The following DDX60L variants were observed in gnomAD, a reference collection of about 807,000 sequenced individuals.
DDX60L encodes the protein DExD/H-box 60 like.
A neutral mutation model predicts 211.6 loss-of-function variants in DDX60L; 191 were observed. That is an observed-to-expected ratio of 0.90 (90% CI 0.80 to 1.02). DDX60L has a LOEUF of 1.02. Ranked by LOEUF, DDX60L falls within the 50% of genes least tolerant of loss-of-function variation. DDX60L has a pLI of 0.00. For synonymous variants in DDX60L, 706 were observed against 694.1 expected (o/e 1.02, Z -0.27); for missense variants, 2,007 against 1,984.1 (o/e 1.01, Z -0.22).
chr4:168,479,284 A>G (rs1418296849), intron 1 of DDX60L, among the ~76,000 whole-genome samples: 1 of 152,132 alleles, frequency 6.6e-6, no homozygotes, highest in Non-Finnish European at 1.5e-5. Context: ...AGCATAACTC[A>G]CCCTCATTTA....
intron 23 of DDX60L, 95 bp downstream of exon 23, chr4:168,406,507 G>C: frequency 2.4e-6 from 2 of 821,852 alleles, no homozygotes; most frequent in African/African-American, 1.8e-5. Flanking sequence ...ACCAAGTAGA[G>C]AGAATAAGTG....
intron 10 of DDX60L, among the ~76,000 whole-genome samples, chr4:168,434,363 G>C (rs981457207): frequency 2.6e-5 from 4 of 152,196 alleles, no homozygotes; most frequent in African/African-American, 9.7e-5. Context: ...GAAGGTTAGA[G>C]TGACTTATCA....
At chr4:168,392,569 T>A (rs1402445893) in intron 28 of DDX60L, among the ~76,000 whole-genome samples, 4 of 151,652 alleles carry the variant, frequency 2.6e-5, no homozygotes, top group Non-Finnish European at 5.9e-5. Flanking sequence ...TCTGGCCAAG[T>A]GTAGTGGCTC....
chr4:168,385,976 G>A (rs1224021264), intron 29 of DDX60L, among the ~76,000 whole-genome samples: 1 of 151,928 alleles, frequency 6.6e-6, no homozygotes, highest in East Asian at 1.9e-4. Flanking sequence ...GAGTGATAGA[G>A]GGATAGAGGG....
intron 25 of DDX60L, 47 bp from the exon 26 acceptor site, chr4:168,401,025 C>A: frequency 6.4e-7 from 1 of 1,556,556 alleles, no homozygotes; most frequent in Non-Finnish European, 8.7e-7. Context: ...TGTTTCTATC[C>A]ATATTGTAAA....
chr4:168,406,530 G>T, intron 23 of DDX60L, 72 bp downstream of exon 23: 1 of 1,053,546 alleles, frequency 9.5e-7, no homozygotes, highest in Non-Finnish European at 1.4e-6. Context: ...CTTACCTGTA[G>T]AGTAATTTTG....
rs201273359 is a variant in DDX60L, at chr4:168,373,711, C to G, written c.4731G>C (p.Ser1577=). Residue 1577 remains serine, a synonymous_variant, in exon 35 of 38, where the codon TCG becomes TCC. Transcript: ENST00000682922. ...GAAGCAAATCATTATCTGTGTTCCCCGAAAGACAAACAAATGGTGAAATGG... is the reference window on the plus strand; with the variant it reads ...GAAGCAAATCATTATCTGTGTTCCCGGAAAGACAAACAAATGGTGAAATGG... ...RVAISPFVCL[S]GNTDNDLLRP... The G allele has an allele frequency of 6.2e-7, 1 of 1,613,944 alleles. No homozygotes were observed. The highest frequency in any genetic ancestry group is 8.5e-7 in the Non-Finnish European group (1 of 1,179,862).
At chr4:168,378,528 T>C (rs1742363317) in intron 32 of DDX60L, 53 bp from the exon 33 acceptor site, 2 of 1,344,294 alleles carry the variant, frequency 1.5e-6, no homozygotes, top group Non-Finnish European at 2.0e-6. Flanking sequence ...ATTCCATTTA[T>C]TTTCTGCCTA....
intron 7 of DDX60L, among the ~76,000 whole-genome samples, chr4:168,455,505 C>T (rs1179021161): frequency 6.6e-6 from 1 of 152,120 alleles, no homozygotes; most frequent in East Asian, 1.9e-4. Context: ...GCCAACCATC[C>T]TAGTCAAAAT....
chr4:168,388,002 T>A (rs1744185687), intron 29 of DDX60L, among the ~76,000 whole-genome samples: 1 of 152,202 alleles, frequency 6.6e-6, no homozygotes, highest in Non-Finnish European at 1.5e-5. Flanking sequence ...GTTTCCATTA[T>A]ACCACAACTG....
intron 10 of DDX60L, among the ~76,000 whole-genome samples, chr4:168,439,416 C>T (rs1427932057): frequency 6.6e-6 from 1 of 152,090 alleles, no homozygotes; most frequent in Admixed American, 6.5e-5. Context: ...TAGGCTGCAA[C>T]TTCAGCTCAT....
intron 1 of DDX60L, among the ~76,000 whole-genome samples, chr4:168,476,822 T>C (rs945403870): frequency 1.3e-5 from 2 of 152,216 alleles, no homozygotes; most frequent in Non-Finnish European, 2.9e-5. Context: ...AAATTAGTCT[T>C]ACCAATGGAA....
At chr4:168,361,392 A>T (rs1255062813) in intron 36 of DDX60L, 181 bp from the exon 37 acceptor site, 1 of 488,732 alleles carries the variant, frequency 2.0e-6, no homozygotes, top group African/African-American at 1.9e-5. Context: ...ACCACAAAAA[A>T]AATTATTAAA....
chr4:168,379,327 C>A, intron 32 of DDX60L, 36 bp downstream of exon 32: 2 of 1,476,768 alleles, frequency 1.4e-6, no homozygotes, highest in South Asian at 1.5e-5. Flanking sequence ...AAATATGTTG[C>A]CATTTTTCGA....
chr4:168,465,932 C>T (rs1757935164), intron 4 of DDX60L, among the ~76,000 whole-genome samples: 2 of 152,022 alleles, frequency 1.3e-5, no homozygotes, highest in South Asian at 4.2e-4. Flanking sequence ...TAGTGAAATA[C>T]CCCCAGCTTT....
At chr4:168,465,172 T>G (rs1182578489) in intron 4 of DDX60L, among the ~76,000 whole-genome samples, 2 of 152,124 alleles carry the variant, frequency 1.3e-5, no homozygotes, top group Non-Finnish European at 2.9e-5. Context: ...TTTGTCTTTT[T>G]GACAACAGCT....
chr4:168,431,810 T>C (rs868700440), intron 12 of DDX60L, among the ~76,000 whole-genome samples: 10 of 152,316 alleles, frequency 6.6e-5, no homozygotes, highest in African/African-American at 2.4e-4. Context: ...AAAAAAGATC[T>C]ATGAATTCCT....
intron 13 of DDX60L, among the ~76,000 whole-genome samples, chr4:168,429,378 G>C (rs1751988544): frequency 6.6e-6 from 1 of 152,114 alleles, no homozygotes; most frequent in South Asian, 2.1e-4. Flanking sequence ...TCGAACTCCT[G>C]ACCTCAGGTG....
At position 168,375,353 on chromosome 4, in the gene DDX60L, G is replaced by A. The variant is rs530998148; in HGVS notation, c.4633+24C>T. 65 of 1,604,238 alleles carry A rather than the reference G, an allele frequency of 4.1e-5. 1 individual carries two copies. The highest frequency in any genetic ancestry group is 6.8e-5 in the Admixed American group (4 of 58,922). On this transcript the variant is annotated intron_variant, in intron 34 of 37. Transcript: ENST00000682922. ...GATTGTTTACTCTTTAAATTGTTCC[G>A]GAATGGAACTAAAATCTGCTTACTG... is the stretch of plus-strand genomic sequence containing the variant.
Sources: allele counts gnomAD v4.1 joint callset (sites outside exome capture counted in the v4.1 genomes callset), GRCh38; gene constraint gnomAD v4.1.1; transcripts MANE v1.5; gene names NCBI Gene and HGNC (gene_info 2026-07-23, HGNC 2026-07-21).